AHI1: variants seen among roughly 807,000 people sequenced by gnomAD.
AHI1 encodes jouberin.
AHI1 carries 123 observed loss-of-function variants against 149.3 expected under a neutral mutation model. That is an observed-to-expected ratio of 0.82 (90% CI 0.71 to 0.96). AHI1 has a LOEUF of 0.96. Among genes scored for constraint, AHI1 ranks in the 40% least tolerant of loss-of-function variants. The pLI is 0.00. For synonymous variants in AHI1, 475 were observed against 459.8 expected, an observed-to-expected ratio of 1.03 and a Z score of -0.42; for missense variants, 1,439 against 1,422.7, an observed-to-expected ratio of 1.01 and a Z score of -0.18.
At chr6:135,447,279 G>A in intron 12 of AHI1, 119 bp from the exon 13 acceptor site, 8 of 724,876 alleles carry the variant, frequency 1.1e-5, no homozygotes, top group East Asian at 1.0e-4. Flanking sequence ...ATGTAATCCA[G>A]AAAAAAATTC....
chr6:135,372,095 T>C (rs1406094794), intron 23 of AHI1, among the ~76,000 whole-genome samples: 3 of 152,198 alleles, frequency 2.0e-5, no homozygotes, highest in Admixed American at 6.5e-5. Context: ...GTCCCAGTCA[T>C]TGGGAGATGG....
intron 11 of AHI1, among the ~76,000 whole-genome samples, chr6:135,451,802 A>G (rs546668318): frequency 6.6e-6 from 1 of 152,068 alleles, no homozygotes; most frequent in African/African-American, 2.4e-5. Flanking sequence ...TAATAAAACC[A>G]CACGATGGCA....
chr6:135,485,966 T>C (rs1162100147), intron 5 of AHI1, among the ~76,000 whole-genome samples: 3 of 152,204 alleles, frequency 2.0e-5, no homozygotes, highest in African/African-American at 7.2e-5. Flanking sequence ...TGATCCTGGG[T>C]ACATTTCTTA....
chr6:135,383,226 CTTTTTTT>C (rs764546253), intron 23 of AHI1, among the ~76,000 whole-genome samples: 5 of 76,868 alleles, frequency 6.5e-5, no homozygotes, highest in African/African-American at 2.7e-4. Flanking sequence ...TCCCCCCTCC[CTTTTTTT>C]TTTTTTTTTT....
intron 11 of AHI1, 82 bp downstream of exon 11, chr6:135,453,259 G>A (rs550907270): frequency 4.7e-6 from 5 of 1,074,158 alleles, no homozygotes; most frequent in South Asian, 4.1e-5. Flanking sequence ...TTCCTTATAT[G>A]AGACCAAACT....
chr6:135,389,853 C>T (rs972742485), intron 23 of AHI1, among the ~76,000 whole-genome samples: 1 of 152,272 alleles, frequency 6.6e-6, no homozygotes, highest in Admixed American at 6.5e-5. Context: ...AATTTCTCTC[C>T]CCTACCTACC....
At chr6:135,404,260 A>G (rs1246202767) in intron 22 of AHI1, among the ~76,000 whole-genome samples, 1 of 152,238 alleles carries the variant, frequency 6.6e-6, no homozygotes, top group African/African-American at 2.4e-5. Context: ...ATTAAAAGTT[A>G]CACATAAAAT....
intron 15 of AHI1, among the ~76,000 whole-genome samples, chr6:135,436,302 T>C (rs1192350977): frequency 1.3e-5 from 2 of 151,434 alleles, no homozygotes; most frequent in African/African-American, 2.4e-5. Context: ...AGAGAAGAGG[T>C]TGTCAATGAA....
chr6:135,446,935 T>A, intron 13 of AHI1, 73 bp downstream of exon 13: 1 of 1,444,024 alleles, frequency 6.9e-7, no homozygotes, highest in Non-Finnish European at 9.4e-7. Flanking sequence ...AAGCTAGATA[T>A]CCTAGGAGTT....
intron 24 of AHI1, among the ~76,000 whole-genome samples, chr6:135,354,886 T>C (rs1285801013): frequency 6.6e-6 from 1 of 152,078 alleles, no homozygotes; most frequent in Non-Finnish European, 1.5e-5. Context: ...GGACATTAGG[T>C]ATAAAGAAAA....
chr6:135,410,701 GTCTT>G (rs1781462633), intron 21 of AHI1, among the ~76,000 whole-genome samples: 1 of 152,294 alleles, frequency 6.6e-6, no homozygotes, highest in South Asian at 2.1e-4. Context: ...TATCTTAGAT[GTCTT>G]TCTAAAATCA....
chr6:135,323,572 A>T (rs927472161), intron 24 of AHI1, among the ~76,000 whole-genome samples: 1 of 152,212 alleles, frequency 6.6e-6, no homozygotes, highest in Non-Finnish European at 1.5e-5. Flanking sequence ...TCAAAATAGC[A>T]GATGTTAATT....
intron 15 of AHI1, among the ~76,000 whole-genome samples, chr6:135,437,120 A>G (rs529092578): frequency 1.1e-4 from 17 of 152,360 alleles, no homozygotes; most frequent in African/African-American, 3.8e-4. Context: ...AGGGAAATAT[A>G]CGAAGATCAT....
chr6:135,443,292 C>T (rs1487092030), intron 13 of AHI1, among the ~76,000 whole-genome samples: 1 of 152,154 alleles, frequency 6.6e-6, no homozygotes, highest in African/African-American at 2.4e-5. Context: ...CCTCTTCTAC[C>T]AGATGAAGCC....
chr6:135,408,387 A>C (rs1369836428), intron 21 of AHI1, among the ~76,000 whole-genome samples: 1 of 152,070 alleles, frequency 6.6e-6, no homozygotes, highest in African/African-American at 2.4e-5. Flanking sequence ...TAAAATCTGG[A>C]ACAGCATGCA....
At chr6:135,371,364 T>C (rs1463238215) in intron 23 of AHI1, among the ~76,000 whole-genome samples, 1 of 152,190 alleles carries the variant, frequency 6.6e-6, no homozygotes, top group Non-Finnish European at 1.5e-5. Context: ...GTTTTAGATA[T>C]GTCAGGTGCT....
chr6:135,385,319 A>AC (rs1430448115), intron 23 of AHI1, among the ~76,000 whole-genome samples: 3 of 152,118 alleles, frequency 2.0e-5, no homozygotes, highest in African/African-American at 7.2e-5. Flanking sequence ...TTGCAGTGAA[A>AC]CCATCTTATA....
rs1781484509 is a variant in AHI1, at chr6:135,284,247, C to T, written c.*1398G>A. Reference sequence around the variant, plus strand: ...AGTTCTACACAGCGGGACATGTTTACCAATTTTTATGCCTCTACATGTGCA... The same window carrying T: ...AGTTCTACACAGCGGGACATGTTTATCAATTTTTATGCCTCTACATGTGCA... On this transcript the variant is annotated 3_prime_UTR_variant, in exon 29 of 29. Transcript: ENST00000265602. The T allele has an allele frequency of 1.3e-5, 2 of 152,122 alleles. No homozygotes were observed. The highest frequency in any genetic ancestry group is 4.1e-4 in the South Asian group (2 of 4,824). 9.4% of individuals were successfully genotyped at this position (152,122 alleles called of 1,614,324 possible). A position where few individuals can be genotyped will look rare whatever the true frequency, so the allele number is the denominator to read the frequency against.
Position 135,457,495 on chromosome 6 carries a change from T to G in AHI1, c.1150A>C (p.Ser384Arg). ...HTGQYVKKDD[S>R]GRPVSSYYEK... ...AGTTGTGCAATTAAAAAAAATTACC[T>G]ATCATCTTTCTTGACATATTGACCA... is the stretch of plus-strand genomic sequence containing the variant. The change falls in exon 9 of 29, where the codon AGT becomes CGT. Residue 384 changes from serine to arginine, a missense_variant and splice_region_variant. Transcript: ENST00000265602. The G allele has an allele frequency of 1.2e-6, 2 of 1,605,244 alleles. No homozygotes were observed. Among genetic ancestry groups the G allele is most frequent in the African/African-American group, 2.7e-5 (2 of 74,884 alleles).
Sources: gnomAD v4.1 joint callset for allele counts (sites outside exome capture counted in the v4.1 genomes callset) on GRCh38, gnomAD v4.1.1 for gene constraint, MANE v1.5 for transcripts, NCBI Gene and HGNC (gene_info 2026-07-23, HGNC 2026-07-21) for gene names.